The following GUCY1A2 variants were observed in gnomAD, a reference collection of about 807,000 sequenced individuals.
GUCY1A2 encodes guanylate cyclase soluble subunit alpha-2.
A neutral mutation model predicts 63.5 loss-of-function variants in GUCY1A2; 27 were observed. The ratio of observed to expected loss-of-function variants is 0.43; its 90% CI spans 0.31 to 0.59. The LOEUF is 0.59. Among genes scored for constraint, GUCY1A2 ranks in the 20% least tolerant of loss-of-function variants. The pLI is 0.11. For missense variants in GUCY1A2, 768 were observed against 913.3 expected, an observed-to-expected ratio of 0.84 and a Z score of 2.05; for synonymous variants, 364 against 343.5, an observed-to-expected ratio of 1.06 and a Z score of -0.66.
At chr11:106,850,209 C>T (rs1410004528) in intron 4 of GUCY1A2, among the ~76,000 whole-genome samples, 6 of 151,472 alleles carry the variant, frequency 4.0e-5, no homozygotes, top group African/African-American at 1.5e-4. Context: ...CCATTTTTTC[C>T]CTTTTTCTAG....
In GUCY1A2 at chr11:107,018,048, C is replaced by A; in HGVS notation, c.8G>T (p.Arg3Leu). Residue 3 changes from arginine to leucine, a missense_variant, in exon 1 of 8, where the codon CGA becomes CTA. Physicochemically the swap from Arg to Leu is moderately radical, Grantham distance 102 (BLOSUM62 -2). Coordinates refer to ENST00000526355, the MANE Select transcript of GUCY1A2 (RefSeq NM_000855.3). MSRRKISSESFSS... is the reference protein window; with the variant it reads MSLRKISSESFSS... The stretch of plus-strand genomic sequence containing the variant: ...GAAGGACTCGGACGAAATCTTCCTT[C>A]GAGACATGCTGCCGGCGGAGCTGCA... 6.8e-7 allele frequency: 1 copy of A among 1,460,826 alleles called. No individual in the cohort carries two copies. Among genetic ancestry groups the A allele is most frequent in the Non-Finnish European group, 9.1e-7 (1 of 1,094,230 alleles). The allele number at this position is 1,460,826 out of a possible 1,614,324, so 90.5% of individuals were successfully genotyped here.
chr11:106,720,819 A>T (rs1863302978), intron 6 of GUCY1A2, among the ~76,000 whole-genome samples: 1 of 152,170 alleles, frequency 6.6e-6, no homozygotes, highest in African/African-American at 2.4e-5. Flanking sequence ...AAAGAACATT[A>T]GGGGAAAATT....
chr11:106,864,887 T>G (rs932223162), intron 4 of GUCY1A2, among the ~76,000 whole-genome samples: 3 of 152,098 alleles, frequency 2.0e-5, no homozygotes, highest in African/African-American at 7.2e-5. Flanking sequence ...CTTTTTTTGT[T>G]GTGTCTCTGC....
At chr11:106,781,193 T>C (rs189645706) in intron 5 of GUCY1A2, among the ~76,000 whole-genome samples, 2 of 152,260 alleles carry the variant, frequency 1.3e-5, no homozygotes, top group East Asian at 1.9e-4. Flanking sequence ...TCAGTGTTTT[T>C]ATATAGTTTA....
intron 1 of GUCY1A2, among the ~76,000 whole-genome samples, chr11:107,001,648 T>C (rs904143289): frequency 6.6e-6 from 1 of 152,166 alleles, no homozygotes; most frequent in African/African-American, 2.4e-5. Flanking sequence ...TTGTATTCCC[T>C]TTTTTGGTTC....
chr11:106,918,546 C>T lies in GUCY1A2; in HGVS notation c.1206+20914G>A, dbSNP rs972367493. ...ACACACACAAATTCTCTCTTCCACA[C>T]GTGCACACACATCACACATAGACAT... On this transcript the variant is annotated intron_variant, in intron 4 of 7. Transcript: ENST00000526355. Among the ~76,000 whole-genome samples, 9 of 145,532 alleles carry T rather than the reference C, an allele frequency of 6.2e-5. 2 individuals carry two copies. The highest frequency in any genetic ancestry group is 4.8e-4 in the South Asian group (2 of 4,182).
In GUCY1A2 at chr11:106,810,296, A is replaced by T; in HGVS notation, c.1389T>A (p.Asp463Glu). Residue 463 changes from aspartate to glutamate, a missense_variant, in exon 5 of 8, where the codon GAT (aspartate) becomes GAA (glutamate). Physicochemically the swap from Asp to Glu is conservative, Grantham distance 45. Coordinates refer to ENST00000526355, the MANE Select transcript of GUCY1A2 (RefSeq NM_000855.3). Reference sequence around the variant, plus strand: ...ATTTATCCATCCTTTTCTTCAACCCATCTTGGGCCTTTGCCTGCTCACCAA... The same window carrying T: ...ATTTATCCATCCTTTTCTTCAACCCTTCTTGGGCCTTTGCCTGCTCACCAA... The part of the protein sequence containing the change: ...ILVGEQAKAQ[D>E]GLKKRMDKLK... The T allele has an allele frequency of 6.2e-7, 1 of 1,613,812 alleles. No individual in the cohort carries two copies. Among genetic ancestry groups the T allele is most frequent in the Non-Finnish European group, 8.5e-7 (1 of 1,179,870 alleles).
chr11:106,886,688 T>C (rs1859904960), intron 4 of GUCY1A2, among the ~76,000 whole-genome samples: 1 of 152,102 alleles, frequency 6.6e-6, no homozygotes, highest in Non-Finnish European at 1.5e-5. Context: ...TAAAAGACCA[T>C]GACTATTCAA....
chr11:106,936,276 G>C (rs1043351862), intron 4 of GUCY1A2, among the ~76,000 whole-genome samples: 2 of 152,128 alleles, frequency 1.3e-5, no homozygotes, highest in Non-Finnish European at 2.9e-5. Context: ...ACAATGTCTT[G>C]TAATTCAAAA....
At chr11:106,940,202 G>T in intron 3 of GUCY1A2, 24 bp from the exon 4 acceptor site, 1 of 1,036,132 alleles carries the variant, frequency 9.7e-7, no homozygotes, top group Non-Finnish European at 1.5e-6. Context: ...GGAAGCAAAT[G>T]TTAGTGAAGT....
chr11:106,789,211 A>C (rs951099927), intron 5 of GUCY1A2, among the ~76,000 whole-genome samples: 1 of 152,160 alleles, frequency 6.6e-6, no homozygotes, highest in Admixed American at 6.5e-5. Flanking sequence ...GTGTATTTTC[A>C]AGTAGCTTGT....
At chr11:106,734,717 T>C (rs1863559852) in intron 6 of GUCY1A2, among the ~76,000 whole-genome samples, 1 of 152,144 alleles carries the variant, frequency 6.6e-6, no homozygotes, top group Admixed American at 6.6e-5. Flanking sequence ...GTTGGAGGTA[T>C]TGTTGTCCAT....
rs78818769 is a variant in GUCY1A2, at chr11:106,963,245, T to C, written c.487+15374A>G. 5.8e-3 allele frequency among the ~76,000 whole-genome samples: 885 copies of C among 152,296 alleles called. 7 individuals carry two copies. The highest frequency in any genetic ancestry group is 0.021 in the African/African-American group (854 of 41,574). On this transcript the variant is annotated intron_variant, in intron 3 of 7. Transcript: ENST00000526355. ...GAGTCTACAGAGGAGAATATGTCAATGATTGATGAGGCTTCTGAATTCAAG... is the reference window on the plus strand; with the variant it reads ...GAGTCTACAGAGGAGAATATGTCAACGATTGATGAGGCTTCTGAATTCAAG...
In GUCY1A2 at chr11:107,017,876, G is replaced by A. The variant is rs756208569; in HGVS notation, c.180C>T (p.Ala60=). 2.2e-5 allele frequency: 27 copies of A among 1,250,136 alleles called. No individual in the cohort carries two copies. The South Asian group carries it at 7.1e-4, about 33-fold the overall frequency. The allele number at this position is 1,250,136 out of a possible 1,614,324, so 77.4% of individuals were successfully genotyped here. ...PAAAAAAAAP[A]PTPAASAAAA... is the part of the protein sequence containing the mutation. ...CGGCGGCAGAAGCAGCCGGGGTCGG[G>A]GCCGGGGCGGCGGCAGCGGCAGCTG... The change falls in exon 1 of 8, where the codon GCC becomes GCT. Residue 60 remains alanine, a synonymous_variant. Coordinates refer to ENST00000526355, the MANE Select transcript of GUCY1A2 (RefSeq NM_000855.3).
At chr11:106,937,832 C>T (rs972497262) in intron 4 of GUCY1A2, among the ~76,000 whole-genome samples, 2 of 152,134 alleles carry the variant, frequency 1.3e-5, no homozygotes, top group Non-Finnish European at 2.9e-5. Context: ...CCAGGTCTAT[C>T]CTTAGATATT....
chr11:106,736,602 T>G (rs1193660555), intron 6 of GUCY1A2, among the ~76,000 whole-genome samples: 1 of 152,198 alleles, frequency 6.6e-6, no homozygotes, highest in African/African-American at 2.4e-5. Context: ...ATAATGGATT[T>G]GGCTATTTTG....
At chr11:106,725,556 A>T (rs1227921738) in intron 6 of GUCY1A2, among the ~76,000 whole-genome samples, 1 of 152,162 alleles carries the variant, frequency 6.6e-6, no homozygotes, top group East Asian at 1.9e-4. Context: ...CAATTTAAAA[A>T]TATATTTTTA....
intron 4 of GUCY1A2, among the ~76,000 whole-genome samples, chr11:106,916,764 T>C (rs2119885874): frequency 6.9e-6 from 1 of 145,638 alleles, no homozygotes; most frequent in Admixed American, 6.8e-5. Context: ...TATATCTTGA[T>C]TACTGACATC....
chr11:106,933,764 T>A (rs1860637936), intron 4 of GUCY1A2, among the ~76,000 whole-genome samples: 1 of 152,042 alleles, frequency 6.6e-6, no homozygotes, highest in African/African-American at 2.4e-5. Flanking sequence ...TGTGCAACCA[T>A]TAAAAAGAAC....
Sources: allele counts gnomAD v4.1 joint callset (sites outside exome capture counted in the v4.1 genomes callset), GRCh38; gene constraint gnomAD v4.1.1; transcripts MANE v1.5; gene names NCBI Gene and HGNC (gene_info 2026-07-23, HGNC 2026-07-21).